The following KCNIP1 variants were observed in gnomAD, a reference collection of about 807,000 sequenced individuals.
KCNIP1 encodes the protein A-type potassium channel modulatory protein KCNIP1.
Under a neutral mutation model 33.0 loss-of-function variants are expected in KCNIP1, and 18 were observed. The ratio of observed to expected loss-of-function variants is 0.55; its 90% confidence interval spans 0.38 to 0.81. The LOEUF (loss-of-function observed/expected upper bound fraction) is 0.81, where lower values mean the gene tolerates loss of function less well. KCNIP1 is among the 30% of genes least tolerant of loss of function. The pLI is 0.00. For synonymous variants in KCNIP1, 93 were observed against 98.3 expected (o/e 0.95, Z 0.32); for missense variants, 238 against 271.6 (o/e 0.88, Z 0.87).
chr5:170,397,942 G>T (rs1198125947), intron 1 of KCNIP1, among the ~76,000 whole-genome samples: 1 of 152,216 alleles, frequency 6.6e-6, no homozygotes, highest in Non-Finnish European at 1.5e-5. Flanking sequence ...GCAATTGGTT[G>T]AAAGAGTTAT....
At chr5:170,546,181 A>G (rs1473500234) in intron 1 of KCNIP1, among the ~76,000 whole-genome samples, 3 of 152,306 alleles carry the variant, frequency 2.0e-5, no homozygotes, top group South Asian at 2.1e-4. Flanking sequence ...GCCTGAAGAG[A>G]TTCAGTCCTG....
intron 1 of KCNIP1, among the ~76,000 whole-genome samples, chr5:170,465,693 A>T (rs1396641154): frequency 6.6e-6 from 1 of 152,222 alleles, no homozygotes; most frequent in Non-Finnish European, 1.5e-5. Context: ...ATGTATTCAG[A>T]TACTGCTCTG....
chr5:170,373,360 C>G (rs1367146899), intron 1 of KCNIP1, among the ~76,000 whole-genome samples: 1 of 152,126 alleles, frequency 6.6e-6, no homozygotes, highest in Non-Finnish European at 1.5e-5. Context: ...GTGGGAGGGG[C>G]CTGGAGGCCT....
intron 1 of KCNIP1, among the ~76,000 whole-genome samples, chr5:170,570,383 C>T (rs1386522160): frequency 1.3e-5 from 2 of 152,162 alleles, no homozygotes; most frequent in Non-Finnish European, 2.9e-5. Flanking sequence ...CTGTCCATGC[C>T]TGTCTCCTTT....
At chr5:170,425,762 G>T (rs1033133513) in intron 1 of KCNIP1, among the ~76,000 whole-genome samples, 2 of 152,160 alleles carry the variant, frequency 1.3e-5, no homozygotes, top group African/African-American at 2.4e-5. Flanking sequence ...TGAGGGCTCT[G>T]GGTGTCAGTC....
At chr5:170,400,471 C>T (rs1754874277) in intron 1 of KCNIP1, among the ~76,000 whole-genome samples, 1 of 152,214 alleles carries the variant, frequency 6.6e-6, no homozygotes, top group Non-Finnish European at 1.5e-5. Context: ...TCACCCCCCA[C>T]CAGGTCCCTC....
At chr5:170,443,389 G>A (rs1000190786) in intron 1 of KCNIP1, among the ~76,000 whole-genome samples, 1 of 152,194 alleles carries the variant, frequency 6.6e-6, no homozygotes, top group Non-Finnish European at 1.5e-5. Context: ...AGGTGCAGAG[G>A]CCAAGGTCAA....
chr5:170,669,502 T>C, intron 1 of KCNIP1: 1 of 984,374 alleles, frequency 1.0e-6, no homozygotes, highest in Non-Finnish European at 1.2e-6. Context: ...TCCCCAGAAC[T>C]ACCTTAAATT....
intron 1 of KCNIP1, among the ~76,000 whole-genome samples, chr5:170,399,977 T>G (rs1328750244): frequency 6.6e-6 from 1 of 152,182 alleles, no homozygotes; most frequent in African/African-American, 2.4e-5. Flanking sequence ...TCTGGAAGCA[T>G]AGGATCTGAT....
chr5:170,618,319 G>A (rs1178568011), intron 1 of KCNIP1, among the ~76,000 whole-genome samples: 1 of 151,318 alleles, frequency 6.6e-6, no homozygotes, highest in East Asian at 1.9e-4. Flanking sequence ...AGGTCTAGTT[G>A]CAAAGTCATG....
intron 1 of KCNIP1, among the ~76,000 whole-genome samples, chr5:170,361,441 C>A (rs1283219442): frequency 6.6e-6 from 1 of 152,142 alleles, no homozygotes; most frequent in African/African-American, 2.4e-5. Flanking sequence ...GGAGGAGGAC[C>A]ATGAACACAA....
At chr5:170,706,109 G>T (rs368626970) in intron 1 of KCNIP1, among the ~76,000 whole-genome samples, 2 of 152,042 alleles carry the variant, frequency 1.3e-5, no homozygotes, top group Non-Finnish European at 2.9e-5. Flanking sequence ...CATTAATACC[G>T]AATCCAGCAA....
chr5:170,387,427 C>T (rs1266823805), intron 1 of KCNIP1, among the ~76,000 whole-genome samples: 1 of 152,016 alleles, frequency 6.6e-6, no homozygotes, highest in Admixed American at 6.5e-5. Context: ...CCAGGCTGCC[C>T]TCATACCCGG....
chr5:170,638,675 C>T (rs1270348637), intron 1 of KCNIP1, among the ~76,000 whole-genome samples: 3 of 152,098 alleles, frequency 2.0e-5, no homozygotes, highest in Admixed American at 6.5e-5. Flanking sequence ...CCGGGCCAAG[C>T]GTCCAAGGCA....
At chr5:170,355,796 C>A (rs1235401352) in intron 1 of KCNIP1, among the ~76,000 whole-genome samples, 2 of 152,344 alleles carry the variant, frequency 1.3e-5, no homozygotes, top group East Asian at 3.9e-4. Context: ...CCATGTGACA[C>A]AGAAGGGACT....
In KCNIP1 at chr5:170,383,686, T is replaced by C. The variant is rs773722064; in HGVS notation, c.88+29722T>C. 1.7e-5 allele frequency: 28 copies of C among 1,614,000 alleles called. No homozygotes were observed. Among genetic ancestry groups the C allele is most frequent in the Non-Finnish European group, 1.5e-5 (18 of 1,180,018 alleles). The stretch of plus-strand genomic sequence containing the variant: ...ATCCCTCCAGTTCAGTACCTGCTGG[T>C]TCTGGTCCCGAGTGTCCTCCGTGTG... On this transcript the variant is annotated intron_variant, in intron 1 of 7. Coordinates refer to the KCNIP1 transcript ENST00000377360.
chr5:170,545,855 C>A (rs1321429039), intron 1 of KCNIP1, among the ~76,000 whole-genome samples: 1 of 152,162 alleles, frequency 6.6e-6, no homozygotes, highest in African/African-American at 2.4e-5. Flanking sequence ...TGTTAGCTTT[C>A]TTTTTCTCTT....
At chr5:170,476,819 T>C (rs1756867640) in intron 1 of KCNIP1, among the ~76,000 whole-genome samples, 1 of 152,188 alleles carries the variant, frequency 6.6e-6, no homozygotes, top group South Asian at 2.1e-4. Context: ...CTTCTATTCA[T>C]GAAAAATGAA....
chr5:170,442,253 T>A (rs1002609925), intron 1 of KCNIP1, among the ~76,000 whole-genome samples: 4 of 152,006 alleles, frequency 2.6e-5, no homozygotes, highest in African/African-American at 7.3e-5. Flanking sequence ...CTTTCAGAGA[T>A]CAGAGAAAAG....
Sources: gnomAD v4.1 joint callset for allele counts (sites outside exome capture counted in the v4.1 genomes callset) on GRCh38, gnomAD v4.1.1 for gene constraint, MANE v1.5 for transcripts, NCBI Gene and HGNC (gene_info 2026-07-23, HGNC 2026-07-21) for gene names.